The following IQSEC1 variants were observed in gnomAD, a reference collection of about 807,000 sequenced individuals.
The protein encoded by IQSEC1 is IQ motif and Sec7 domain ArfGEF 1.
Under a neutral mutation model 91.0 loss-of-function variants are expected in IQSEC1, and 31 were observed. The observed-to-expected ratio is 0.34, with a 90% CI of 0.26 to 0.46. The LOEUF is 0.46. Ranked by LOEUF, IQSEC1 falls within the 20% of genes least tolerant of loss-of-function variation. The pLI, the probability that IQSEC1 is intolerant of heterozygous loss-of-function variation, is 1.00. For synonymous variants in IQSEC1, 699 were observed against 662.6 expected (o/e 1.05, Z -0.84); for missense variants, 1,388 against 1,575.6 (o/e 0.88, Z 2.02).
chr3:13,068,565 T>C (rs572205725), intron 1 of IQSEC1, among the ~76,000 whole-genome samples: 1 of 152,264 alleles, frequency 6.6e-6, no homozygotes, highest in East Asian at 1.9e-4. Flanking sequence ...TTCATATCTT[T>C]AGCTTCCAGC....
chr3:12,915,306 AC>A (rs1229747852), intron 7 of IQSEC1, among the ~76,000 whole-genome samples, 173 bp from the exon 8 acceptor site: 2 of 152,176 alleles, frequency 1.3e-5, no homozygotes, highest in Non-Finnish European at 2.9e-5. Context: ...CTCCTGGACC[AC>A]CCAGGAAAGC....
chr3:12,941,694 C>T lies in IQSEC1; in HGVS notation c.195G>A (p.Thr65=), dbSNP rs773773930. ...YSGPPGQQQR[T]RRPKLQHSTS... ...TCGAGTGCTGCAGCTTGGGCCTCCG[C>T]GTGCGCTGCTGTTGCCCCGGCGGCC... Residue 65 remains threonine, a synonymous_variant, in exon 2 of 14, where the codon ACG becomes ACA. Coordinates refer to ENST00000613206, the MANE Select transcript of IQSEC1 (RefSeq NM_001134382.3). 4.2e-5 allele frequency: 67 copies of T among 1,612,710 alleles called. No individual in the cohort carries two copies. The highest frequency in any genetic ancestry group is 4.8e-5 in the Non-Finnish European group (57 of 1,179,958).
At chr3:13,204,104 C>T (rs140077229) in intron 1 of IQSEC1, among the ~76,000 whole-genome samples, 197 of 152,372 alleles carry the variant, frequency 1.3e-3, no homozygotes, top group African/African-American at 4.3e-3. Flanking sequence ...CACTCTACAC[C>T]TTCATGGGCC....
chr3:12,962,183 G>C (rs74505163), intron 1 of IQSEC1, among the ~76,000 whole-genome samples: 322 of 152,340 alleles, frequency 2.1e-3, no homozygotes, highest in African/African-American at 6.1e-3. Context: ...CTCAGGATGG[G>C]AGACCTTTGA....
At chr3:13,256,103 GA>G (rs893330849) in intron 1 of IQSEC1, among the ~76,000 whole-genome samples, 2 of 151,826 alleles carry the variant, frequency 1.3e-5, no homozygotes, top group African/African-American at 2.4e-5. Context: ...GTTGCCTTAG[GA>G]AAAAAAATTA....
At chr3:13,079,305 C>T (rs778448494) in intron 2 of IQSEC1, among the ~76,000 whole-genome samples, 2 of 152,238 alleles carry the variant, frequency 1.3e-5, no homozygotes, top group Non-Finnish European at 2.9e-5. Flanking sequence ...AAGTGCTGAC[C>T]AATGCTTGCT....
intron 1 of IQSEC1, among the ~76,000 whole-genome samples, chr3:13,035,337 A>G (rs1703994291): frequency 6.6e-6 from 1 of 152,120 alleles, no homozygotes; most frequent in Non-Finnish European, 1.5e-5. Context: ...CCATCTGCAC[A>G]TCCTTCTCAG....
At chr3:13,160,940 G>C (rs184121035) in intron 2 of IQSEC1, among the ~76,000 whole-genome samples, 7 of 152,316 alleles carry the variant, frequency 4.6e-5, no homozygotes, top group Admixed American at 4.6e-4. Flanking sequence ...AGAAGGGACT[G>C]GGATATCAAA....
chr3:13,065,613 A>G (rs1705205892), intron 1 of IQSEC1, among the ~76,000 whole-genome samples: 2 of 152,246 alleles, frequency 1.3e-5, no homozygotes. Context: ...TGGAGAAACC[A>G]GGACCTTTGT....
rs1212763707 is a variant in IQSEC1, at chr3:13,040,099, CT to C, written c.23+32892del. ...CCCACCTTCCTTTCTAGCTCTTCCC[CT>C]GACACACACCTAGGCTTCAGCCTCA... On this transcript the variant is annotated intron_variant, in intron 1 of 13. Transcript: ENST00000613206. 3.3e-5 allele frequency among the ~76,000 whole-genome samples: 5 copies of C among 152,350 alleles called. No homozygotes were observed. In the East Asian group the frequency reaches 9.6e-4, roughly 29 times the overall value.
intron 2 of IQSEC1, among the ~76,000 whole-genome samples, chr3:13,155,337 G>A (rs1707068618): frequency 6.6e-6 from 1 of 152,170 alleles, no homozygotes; most frequent in Non-Finnish European, 1.5e-5. Context: ...AGGATTATAT[G>A]AGAGTCCTGT....
intron 1 of IQSEC1, among the ~76,000 whole-genome samples, chr3:13,190,055 G>C (rs1273397953): frequency 1.3e-5 from 2 of 152,218 alleles, no homozygotes; most frequent in Non-Finnish European, 2.9e-5. Flanking sequence ...TGCCACAGCT[G>C]CCTAAATAGA....
At chr3:13,244,896 T>G (rs192341061) in intron 1 of IQSEC1, among the ~76,000 whole-genome samples, 1 of 152,182 alleles carries the variant, frequency 6.6e-6, no homozygotes, top group African/African-American at 2.4e-5. Flanking sequence ...CATGTGACAC[T>G]CTGCCACCCC....
chr3:13,250,637 A>G (rs949954217), intron 1 of IQSEC1, among the ~76,000 whole-genome samples: 1 of 149,738 alleles, frequency 6.7e-6, no homozygotes, highest in African/African-American at 2.5e-5. Flanking sequence ...ATTTTATTTT[A>G]TTTTATTTTA....
intron 1 of IQSEC1, among the ~76,000 whole-genome samples, chr3:13,023,504 A>G (rs944016203): frequency 6.6e-6 from 1 of 152,154 alleles, no homozygotes; most frequent in Non-Finnish European, 1.5e-5. Context: ...CCTGGGCATC[A>G]TGTATAGTGG....
At chr3:12,963,000 T>A (rs1238041145) in intron 1 of IQSEC1, among the ~76,000 whole-genome samples, 2 of 152,178 alleles carry the variant, frequency 1.3e-5, no homozygotes, top group Non-Finnish European at 2.9e-5. Context: ...GATTATTTAA[T>A]CCCAGAGGAA....
chr3:13,178,989 T>C (rs1693786699), intron 1 of IQSEC1, among the ~76,000 whole-genome samples: 2 of 152,246 alleles, frequency 1.3e-5, no homozygotes, highest in Non-Finnish European at 2.9e-5. Context: ...GACAGTGAGA[T>C]GCAGGACCCC....
At chr3:12,948,622 C>T (rs937449733) in intron 1 of IQSEC1, among the ~76,000 whole-genome samples, 11 of 152,174 alleles carry the variant, frequency 7.2e-5, no homozygotes, top group African/African-American at 2.7e-4. Flanking sequence ...AATGACTTTT[C>T]TCAAGAAAAA....
chr3:12,982,606 G>C (rs149632316), intron 1 of IQSEC1, among the ~76,000 whole-genome samples: 1 of 152,244 alleles, frequency 6.6e-6, no homozygotes, highest in African/African-American at 2.4e-5. Context: ...CCTGGCCCCC[G>C]TGGGTGTTTA....
Sources: allele counts gnomAD v4.1 joint callset (sites outside exome capture counted in the v4.1 genomes callset), GRCh38; gene constraint gnomAD v4.1.1; transcripts MANE v1.5; gene names NCBI Gene and HGNC (gene_info 2026-07-23, HGNC 2026-07-21).